Variants in KCNQ3 observed in about 807,000 individuals in gnomAD.
KCNQ3 encodes the protein potassium voltage-gated channel subfamily KQT member 3.
KCNQ3 carries 30 observed loss-of-function variants against 92.5 expected under a neutral mutation model. The observed-to-expected ratio is 0.32, with a 90% CI of 0.24 to 0.44. The LOEUF (loss-of-function observed/expected upper bound fraction) is 0.44. Ranked by LOEUF, KCNQ3 falls within the 20% of genes least tolerant of loss-of-function variation. The probability of loss-of-function intolerance (pLI) is 1.00; values close to 1 mark genes in which losing one functional copy is unlikely to be tolerated. For missense variants in KCNQ3, 913 were observed against 1,140.3 expected (o/e 0.80, Z 2.87); for synonymous variants, 450 against 468.8 (o/e 0.96, Z 0.52).
chr8:132,473,860 A>C (rs1044160539), intron 1 of KCNQ3, among the ~76,000 whole-genome samples: 4 of 152,224 alleles, frequency 2.6e-5, no homozygotes, highest in Non-Finnish European at 4.4e-5. Context: ...TCTTGTCAAC[A>C]TGCTAAGTCC....
At chr8:132,236,624 A>G (rs980451567) in intron 1 of KCNQ3, among the ~76,000 whole-genome samples, 1 of 152,134 alleles carries the variant, frequency 6.6e-6, no homozygotes, top group Non-Finnish European at 1.5e-5. Context: ...GGTGGACCCC[A>G]AGATTCTCTG....
chr8:132,425,022 A>T (rs532666472), intron 1 of KCNQ3, among the ~76,000 whole-genome samples: 2 of 152,356 alleles, frequency 1.3e-5, no homozygotes, highest in South Asian at 2.1e-4. Flanking sequence ...CAGTCAACCC[A>T]CTATAATGAG....
At chr8:132,383,646 T>C (rs1297213434) in intron 1 of KCNQ3, among the ~76,000 whole-genome samples, 1 of 152,220 alleles carries the variant, frequency 6.6e-6, no homozygotes, top group Non-Finnish European at 1.5e-5. Flanking sequence ...CTTGTTCATC[T>C]CTACAGCCCT....
intron 1 of KCNQ3, among the ~76,000 whole-genome samples, chr8:132,324,831 C>T (rs947312404): frequency 1.3e-5 from 2 of 152,120 alleles, no homozygotes; most frequent in African/African-American, 2.4e-5. Flanking sequence ...CTCCAGAGCC[C>T]GGCGGTTGCC....
intron 1 of KCNQ3, among the ~76,000 whole-genome samples, chr8:132,204,304 C>A (rs1813583456): frequency 6.6e-6 from 1 of 152,196 alleles, no homozygotes; most frequent in Admixed American, 6.5e-5. Flanking sequence ...TTGGCCTAAG[C>A]CTTATTCTAT....
intron 1 of KCNQ3, among the ~76,000 whole-genome samples, chr8:132,199,603 G>A (rs1827399683): frequency 6.6e-6 from 1 of 152,190 alleles, no homozygotes; most frequent in African/African-American, 2.4e-5. Context: ...TGGACTTAAA[G>A]AGTATCATTT....
chr8:132,139,016 C>T (rs1435990467), intron 11 of KCNQ3, among the ~76,000 whole-genome samples: 1 of 152,192 alleles, frequency 6.6e-6, no homozygotes, highest in Non-Finnish European at 1.5e-5. Context: ...TTGACTGGAA[C>T]TCAGTCACAC....
At chr8:132,306,493 G>A (rs1452888580) in intron 1 of KCNQ3, among the ~76,000 whole-genome samples, 1 of 152,198 alleles carries the variant, frequency 6.6e-6, no homozygotes, top group Non-Finnish European at 1.5e-5. Flanking sequence ...TTTAAGGAGG[G>A]TGGGGTGCCA....
In KCNQ3 at chr8:132,438,042, C is replaced by T. The variant is rs574330908; in HGVS notation, c.386+42105G>A. 6.0e-4 allele frequency among the ~76,000 whole-genome samples: 91 copies of T among 152,308 alleles called. 1 individual carries two copies. In the South Asian group the frequency reaches 8.5e-3, roughly 14 times the overall value. On this transcript the variant is annotated intron_variant, in intron 1 of 14. Transcript: ENST00000388996. Reference sequence around the variant, plus strand: ...CAAATGTGCCCCTTCCTCAAAGAACCTGTTGTAACCTGTTGTCACAAAATA... The same window carrying T: ...CAAATGTGCCCCTTCCTCAAAGAACTTGTTGTAACCTGTTGTCACAAAATA...
chr8:132,336,421 C>G (rs1435736429), intron 1 of KCNQ3, among the ~76,000 whole-genome samples: 1 of 152,204 alleles, frequency 6.6e-6, no homozygotes, highest in Admixed American at 6.5e-5. Flanking sequence ...GTTTCTGCGT[C>G]CTCTTCTGTA....
chr8:132,434,257 G>C (rs1233221247), intron 1 of KCNQ3, among the ~76,000 whole-genome samples: 1 of 151,258 alleles, frequency 6.6e-6, no homozygotes, highest in Non-Finnish European at 1.5e-5. Context: ...ATATTTCCAT[G>C]ATATTTTTAA....
intron 1 of KCNQ3, among the ~76,000 whole-genome samples, chr8:132,295,198 A>T (rs1816980439): frequency 6.6e-6 from 1 of 152,220 alleles, no homozygotes. Context: ...CAAGAAAATA[A>T]AACAACCCCA....
At chr8:132,317,927 G>T (rs1280968246) in intron 1 of KCNQ3, among the ~76,000 whole-genome samples, 2 of 151,978 alleles carry the variant, frequency 1.3e-5, no homozygotes, top group Admixed American at 1.3e-4. Flanking sequence ...ACAGATCAGT[G>T]GCTAATAAAT....
intron 1 of KCNQ3, among the ~76,000 whole-genome samples, chr8:132,236,465 T>C (rs1159109292): frequency 2.0e-5 from 3 of 152,138 alleles, no homozygotes; most frequent in South Asian, 2.1e-4. Context: ...AGAGGCCTAA[T>C]TGAGAATGAC....
Position 132,128,961 on chromosome 8 carries a change from C to T in KCNQ3, c.*301G>A. 1 of 418,250 alleles carries T rather than the reference C, an allele frequency of 2.4e-6. No individual in the cohort carries two copies. Among genetic ancestry groups the T allele is most frequent in the South Asian group, 3.1e-5 (1 of 32,102 alleles). 25.9% of individuals were successfully genotyped at this position (418,250 alleles called of 1,614,324 possible). A position where few individuals can be genotyped will look rare whatever the true frequency, so the allele number is the denominator to read the frequency against. ...AGCATGGCTCATCAGTAATTTCTCC[C>T]TGTACTGGTCCAATCGTGATTAAAA... is the stretch of plus-strand genomic sequence containing the variant. On this transcript the variant is annotated 3_prime_UTR_variant, in exon 15 of 15. Coordinates refer to ENST00000388996, the MANE Select transcript of KCNQ3 (RefSeq NM_004519.4).
In KCNQ3 at chr8:132,350,007, T is replaced by C. The variant is rs937387046; in HGVS notation, c.386+130140A>G. On this transcript the variant is annotated intron_variant, in intron 1 of 14. Coordinates refer to ENST00000388996, the MANE Select transcript of KCNQ3 (RefSeq NM_004519.4). ...CATGCTTCATGGATGGGGAAACATG[T>C]AATGAATCATTTAAATGGAGCCTCT... Among the ~76,000 whole-genome samples the C allele has an allele frequency of 6.4e-4, 98 of 152,170 alleles. 1 individual carries two copies. The highest frequency in any genetic ancestry group is 2.1e-3 in the African/African-American group (87 of 41,436).
At chr8:132,276,235 C>T (rs1344481226) in intron 1 of KCNQ3, among the ~76,000 whole-genome samples, 1 of 152,336 alleles carries the variant, frequency 6.6e-6, no homozygotes, top group African/African-American at 2.4e-5. Flanking sequence ...AGAAATGGTT[C>T]TTGACACTTT....
At chr8:132,443,131 C>G (rs1469632524) in intron 1 of KCNQ3, among the ~76,000 whole-genome samples, 1 of 152,190 alleles carries the variant, frequency 6.6e-6, no homozygotes, top group Non-Finnish European at 1.5e-5. Flanking sequence ...TGAGCATAAC[C>G]TTTGGAAATA....
chr8:132,458,595 C>T (rs531334432), intron 1 of KCNQ3, among the ~76,000 whole-genome samples: 2 of 152,336 alleles, frequency 1.3e-5, no homozygotes, highest in African/African-American at 4.8e-5. Flanking sequence ...GCTGGGACTA[C>T]AGACATGCAC....
Sources: allele counts gnomAD v4.1 joint callset (sites outside exome capture counted in the v4.1 genomes callset), GRCh38; gene constraint gnomAD v4.1.1; transcripts MANE v1.5; gene names NCBI Gene and HGNC (gene_info 2026-07-23, HGNC 2026-07-21).